Variants in MED12L observed in about 807,000 individuals in gnomAD.
The protein encoded by MED12L is mediator of RNA polymerase II transcription subunit 12-like protein.
Under a neutral mutation model 281.3 loss-of-function variants are expected in MED12L, and 60 were observed. The observed-to-expected ratio is 0.21, with a 90% CI of 0.17 to 0.26. The LOEUF is 0.26. Ranked by LOEUF, MED12L falls within the 10% of genes least tolerant of loss-of-function variation. The pLI, the probability that MED12L is intolerant of heterozygous loss-of-function variation, is 1.00. For synonymous variants in MED12L, 974 were observed against 987.2 expected (o/e 0.99, Z 0.25); for missense variants, 2,146 against 2,680.9 (o/e 0.80, Z 4.41).
intron 4 of MED12L, among the ~76,000 whole-genome samples, chr3:151,126,010 A>T (rs1040495456): frequency 6.7e-6 from 1 of 150,220 alleles, no homozygotes. Flanking sequence ...AGTCTCTTCA[A>T]TTGCCCATAA....
chr3:151,385,713 TG>T (rs76491731), intron 36 of MED12L, among the ~76,000 whole-genome samples: 32,826 of 118,872 alleles, frequency 0.28, 3,835 homozygotes, highest in Middle Eastern at 0.42. Context: ...ACCCTGTCTC[TG>T]GGGGGGGAAA....
intron 16 of MED12L, among the ~76,000 whole-genome samples, chr3:151,225,319 T>C (rs1730272010): frequency 1.3e-5 from 2 of 152,216 alleles, no homozygotes; most frequent in African/African-American, 4.8e-5. Context: ...TACTACGTAT[T>C]GAGTCATTTA....
intron 6 of MED12L, among the ~76,000 whole-genome samples, chr3:151,158,341 A>G (rs1271067143): frequency 6.6e-6 from 1 of 152,130 alleles, no homozygotes; most frequent in Non-Finnish European, 1.5e-5. Context: ...TATCTTCTTT[A>G]TAATTATCAC....
chr3:151,174,757 G>A (rs1721836077), intron 11 of MED12L, among the ~76,000 whole-genome samples: 1 of 151,890 alleles, frequency 6.6e-6, no homozygotes, highest in African/African-American at 2.4e-5. Context: ...TTGCTCTGTT[G>A]CCCAGGCTGG....
At chr3:151,122,720 T>C (rs1401423672) in intron 3 of MED12L, 63 bp from the exon 4 acceptor site, 4 of 1,085,982 alleles carry the variant, frequency 3.7e-6, no homozygotes, top group Non-Finnish European at 5.1e-6. Context: ...AAAATACTAA[T>C]GTACAGTACT....
At chr3:151,299,417 C>CCTCCCCTCCCCCTCCT (rs1745593102) in intron 16 of MED12L, among the ~76,000 whole-genome samples, 1 of 71,116 alleles carries the variant, frequency 1.4e-5, no homozygotes, top group Non-Finnish European at 3.1e-5. Flanking sequence ...CCTCCCCTCC[C>CCTCCCCTCCCCCTCCT]CTCCCCCTCC....
Position 151,365,114 on chromosome 3 carries a change from G to A in MED12L, c.3093G>A (p.Leu1031=). Residue 1031 remains leucine (L), a synonymous_variant, in exon 22 of 45, where the codon CTG becomes CTA. Coordinates refer to ENST00000687756, the MANE Select transcript of MED12L (RefSeq NM_001393769.1). The stretch of plus-strand genomic sequence containing the variant: ...CCCGCAGCATCAACTACTCAATGCT[G>A]GGCAAGATCCTCAGTGACAATGCGG... ...PSARSINYSM[L]GKILSDNAAN... 6.2e-7 allele frequency: 1 copy of A among 1,614,020 alleles called. No homozygotes were observed. Among genetic ancestry groups the A allele is most frequent in the Non-Finnish European group, 8.5e-7 (1 of 1,179,940 alleles).
intron 2 of MED12L, among the ~76,000 whole-genome samples, chr3:151,087,632 A>G (rs1008953004): frequency 2.0e-5 from 3 of 152,200 alleles, no homozygotes; most frequent in African/African-American, 7.2e-5. Context: ...TAATTGCTAG[A>G]GGCTGTTTTG....
rs1713677933 is a variant in MED12L at position 151,387,972 on chromosome 3, C to T, written c.5251C>T (p.Pro1751Ser). The T allele has an allele frequency of 6.2e-7, 1 of 1,613,854 alleles. No homozygotes were observed. Among genetic ancestry groups the T allele is most frequent in the Admixed American group, 1.7e-5 (1 of 59,980 alleles). ...QHHLLLYHTH[P>S]MPKPRSYYLQ... The stretch of plus-strand genomic sequence containing the variant: ...TCACCTCCTGCTGTATCACACACAC[C>T]CCATGCCCAAGCCCCGCAGTTACTA... The change falls in exon 37 of 45, where the codon CCC becomes TCC. Residue 1751 changes from proline to serine, a missense_variant. Physicochemically the swap from Pro to Ser is moderately conservative, Grantham distance 74. Transcript: ENST00000687756.
chr3:151,221,089 A>G (rs1729250674), intron 16 of MED12L, among the ~76,000 whole-genome samples: 1 of 152,186 alleles, frequency 6.6e-6, no homozygotes, highest in Non-Finnish European at 1.5e-5. Context: ...GATTCTTGTT[A>G]TGTTTTAGCA....
intron 16 of MED12L, chr3:151,327,745 AAAAAG>A: frequency 6.1e-6 from 2 of 329,150 alleles, no homozygotes; most frequent in Non-Finnish European, 1.1e-5. Flanking sequence ...AAAAAAAAAA[AAAAAG>A]AAAGAAAGAA....
At chr3:151,132,255 G>A (rs1254695599) in intron 5 of MED12L, among the ~76,000 whole-genome samples, 1 of 152,184 alleles carries the variant, frequency 6.6e-6, no homozygotes, top group Non-Finnish European at 1.5e-5. Context: ...CTGCCACTAA[G>A]AGACAAGGTG....
chr3:151,328,077 T>G, intron 16 of MED12L: 1 of 1,610,240 alleles, frequency 6.2e-7, no homozygotes, highest in Non-Finnish European at 8.5e-7. Context: ...CATGGTAGCT[T>G]TTCTGTGAAT....
At position 151,377,139 on chromosome 3, in the gene MED12L, C is replaced by A; in HGVS notation, c.4277C>A (p.Thr1426Lys). The change falls in exon 30 of 45, where the codon ACA becomes AAA. Residue 1426 changes from threonine (T) to lysine (K), a missense_variant. By Grantham distance (78) the Thr-to-Lys change is moderately conservative. Coordinates refer to ENST00000687756, the MANE Select transcript of MED12L (RefSeq NM_001393769.1). ...FNPNSIGSAD[T>K]SSTRQNGIKT... ...CCAAACAGTATTGGAAGTGCTGATACAAGTAGCACGAGACAGAATGGAATA... is the reference window on the plus strand; with the variant it reads ...CCAAACAGTATTGGAAGTGCTGATAAAAGTAGCACGAGACAGAATGGAATA... The A allele has an allele frequency of 6.2e-7, 1 of 1,613,842 alleles. No individual in the cohort carries two copies. Among genetic ancestry groups the A allele is most frequent in the East Asian group, 2.2e-5 (1 of 44,862 alleles).
chr3:151,416,312 A>G lies in MED12L; in HGVS notation c.6298A>G (p.Met2100Val). 2 of 1,613,160 alleles carry G rather than the reference A, an allele frequency of 1.2e-6. No individual in the cohort carries two copies. The highest frequency in any genetic ancestry group is 1.7e-6 in the Non-Finnish European group (2 of 1,179,942). ...QVRQQQRLLQ[M>V]QQPQQPQPQQ... Reference sequence around the variant, plus strand: ...TATAACATTTTTACCCTCTTTCCAGATGCAGCAGCCCCAGCAGCCCCAGCC... The same window carrying G: ...TATAACATTTTTACCCTCTTTCCAGGTGCAGCAGCCCCAGCAGCCCCAGCC... The change falls in exon 43 of 45, where the codon ATG becomes GTG. Residue 2100 changes from methionine to valine, a missense_variant and splice_region_variant. By Grantham distance (21) the Met-to-Val change is conservative. This residue lies in a region of MED12L where 496 missense variants were observed against 512.0 expected (regional missense o/e 0.97). Coordinates refer to ENST00000687756, the MANE Select transcript of MED12L (RefSeq NM_001393769.1).
intron 16 of MED12L, among the ~76,000 whole-genome samples, chr3:151,229,211 A>G (rs1301766713): frequency 1.3e-5 from 2 of 151,550 alleles, no homozygotes; most frequent in African/African-American, 2.4e-5. Flanking sequence ...AAAGTGTTGT[A>G]TGTTTCCTCC....
At chr3:151,400,242 AT>A (rs1715505596) in intron 39 of MED12L, among the ~76,000 whole-genome samples, 2 of 152,202 alleles carry the variant, frequency 1.3e-5, no homozygotes, top group African/African-American at 4.8e-5. Context: ...GTGTTGCTTT[AT>A]CCTGATTTTT....
intron 11 of MED12L, among the ~76,000 whole-genome samples, chr3:151,182,722 C>G (rs933261706): frequency 1.3e-5 from 2 of 152,044 alleles, no homozygotes; most frequent in African/African-American, 4.8e-5. Flanking sequence ...ATGCCATTTT[C>G]TAAGAGAAAG....
At chr3:151,410,595 G>A (rs944020398) in intron 40 of MED12L, among the ~76,000 whole-genome samples, 12 of 152,182 alleles carry the variant, frequency 7.9e-5, no homozygotes, top group Non-Finnish European at 5.9e-5. Flanking sequence ...TTTCCATAAG[G>A]TGACAATACA....
Sources: allele counts gnomAD v4.1 joint callset (sites outside exome capture counted in the v4.1 genomes callset), GRCh38; gene constraint gnomAD v4.1.1; regional missense constraint gnomAD v4.1.1; transcripts MANE v1.5; gene names NCBI Gene and HGNC (gene_info 2026-07-23, HGNC 2026-07-21).